The following CACNG4 variants were observed in gnomAD, a reference collection of about 807,000 sequenced individuals.
CACNG4 encodes calcium voltage-gated channel auxiliary subunit gamma 4.
A neutral mutation model predicts 22.9 loss-of-function variants in CACNG4; 8 were observed. The observed-to-expected ratio is 0.35, with a 90% CI of 0.21 to 0.63. CACNG4 has a LOEUF of 0.63. Ranked by LOEUF, CACNG4 falls within the 30% of genes least tolerant of loss-of-function variation. CACNG4 has a pLI of 0.72. For missense variants in CACNG4, 357 were observed against 455.4 expected, an observed-to-expected ratio of 0.78 and a Z score of 1.97; for synonymous variants, 188 against 191.9, an observed-to-expected ratio of 0.98 and a Z score of 0.17.
intron 1 of CACNG4, among the ~76,000 whole-genome samples, chr17:67,011,620 T>C (rs2035468601): frequency 2.0e-5 from 3 of 149,038 alleles, no homozygotes; most frequent in Admixed American, 2.0e-4. Context: ...TAAAATGCTC[T>C]TGAGGAATGA....
intron 1 of CACNG4, among the ~76,000 whole-genome samples, chr17:66,995,174 C>T (rs546257863): frequency 2.0e-5 from 3 of 152,238 alleles, no homozygotes; most frequent in East Asian, 1.9e-4. Context: ...GTCGTGGCAC[C>T]GTGATAAACT....
rs906133408 is a variant in CACNG4, at chr17:66,978,743, G to A, written c.220+13612G>A. On this transcript the variant is annotated intron_variant, in intron 1 of 3. Transcript: ENST00000262138. The stretch of plus-strand genomic sequence containing the variant: ...GTCCCTGCCTCGCATCTGAGCCTTC[G>A]CCCGAGACATTTTCTCGCTTCAGCA... Among the ~76,000 whole-genome samples the A allele has an allele frequency of 2.6e-5, 4 of 152,292 alleles. No individual in the cohort carries two copies. In the South Asian group the frequency reaches 6.2e-4, roughly 24 times the overall value.
chr17:67,005,685 G>A (rs57113801), intron 1 of CACNG4, among the ~76,000 whole-genome samples: 3,647 of 152,286 alleles, frequency 0.024, 141 homozygotes, highest in African/African-American at 0.082. Flanking sequence ...CCCTTCTGCT[G>A]ATCACAAAGG....
intron 2 of CACNG4, 111 bp from the exon 3 acceptor site, chr17:67,024,749 C>A: frequency 1.6e-6 from 2 of 1,216,666 alleles, no homozygotes; most frequent in Non-Finnish European, 2.2e-6. Context: ...AATCTCAAAT[C>A]CTGGGGAAGG....
chr17:66,982,130 C>G (rs912387513), intron 1 of CACNG4, among the ~76,000 whole-genome samples: 3 of 152,178 alleles, frequency 2.0e-5, no homozygotes, highest in Non-Finnish European at 4.4e-5. Flanking sequence ...TGAGCAGCAG[C>G]TAGATTTACT....
intron 1 of CACNG4, among the ~76,000 whole-genome samples, chr17:67,009,797 A>G (rs2035458713): frequency 6.6e-6 from 1 of 152,182 alleles, no homozygotes; most frequent in Non-Finnish European, 1.5e-5. Context: ...CTCTTTTAAA[A>G]GGACTCTAAT....
chr17:66,990,022 G>A (rs989832255), intron 1 of CACNG4, among the ~76,000 whole-genome samples: 1 of 152,182 alleles, frequency 6.6e-6, no homozygotes, highest in African/African-American at 2.4e-5. Flanking sequence ...AAACTTAGTG[G>A]CTGAAAACAA....
In CACNG4 at chr17:67,030,870, C is replaced by G; in HGVS notation, c.850C>G (p.Leu284Val). 1 of 1,612,998 alleles carries G rather than the reference C, an allele frequency of 6.2e-7. No individual in the cohort carries two copies. Among genetic ancestry groups the G allele is most frequent in the Non-Finnish European group, 8.5e-7 (1 of 1,180,016 alleles). The change falls in exon 4 of 4, where the codon CTC (leucine) becomes GTC (valine). Residue 284 changes from leucine (L) to valine (V), a missense_variant. Physicochemically the swap from Leu to Val is conservative, Grantham distance 32 (BLOSUM62 1). This residue lies in a region of CACNG4 where 240 missense variants were observed against 277.6 expected (regional missense o/e 0.86). Transcript: ENST00000262138. This position sits in a 1 kb window ranked among gnomAD's most constrained non-coding sequence, Gnocchi z 6.4. ...LSMYTLSREP[L>V]KVTTAASYSP... The stretch of plus-strand genomic sequence containing the variant: ...CATGTACACGCTGTCCAGGGAGCCC[C>G]TCAAGGTGACCACCGCAGCCAGCTA...
At chr17:67,005,222 C>A (rs2035430734) in intron 1 of CACNG4, among the ~76,000 whole-genome samples, 1 of 152,174 alleles carries the variant, frequency 6.6e-6, no homozygotes, top group Non-Finnish European at 1.5e-5. Context: ...ATATACACTT[C>A]CAAGAGAACC....
At chr17:67,009,059 T>C in intron 1 of CACNG4, among the ~76,000 whole-genome samples, 1 of 151,880 alleles carries the variant, frequency 6.6e-6, no homozygotes, top group East Asian at 1.9e-4. Context: ...GAATATGATA[T>C]GAAGAGAAGG....
At chr17:67,018,500 C>G (rs745811321) in intron 2 of CACNG4, among the ~76,000 whole-genome samples, 7 of 152,134 alleles carry the variant, frequency 4.6e-5, no homozygotes, top group South Asian at 2.1e-4. Flanking sequence ...AGGCCTGTAC[C>G]CTGGGGAGAT....
chr17:67,014,571 T>C (rs9903679), intron 1 of CACNG4, among the ~76,000 whole-genome samples: 8,986 of 152,084 alleles, frequency 0.059, 758 homozygotes, highest in African/African-American at 0.19. Flanking sequence ...GGTGGAGCTG[T>C]GCCTCCAGGC....
chr17:66,992,122 G>A (rs2035343901), intron 1 of CACNG4, among the ~76,000 whole-genome samples: 1 of 150,524 alleles, frequency 6.6e-6, no homozygotes, highest in Non-Finnish European at 1.5e-5. Flanking sequence ...AATGTGTTAT[G>A]TCATGTCACG....
chr17:67,020,832 A>C (rs2035527311), intron 2 of CACNG4, among the ~76,000 whole-genome samples: 2 of 152,238 alleles, frequency 1.3e-5, no homozygotes, highest in Admixed American at 1.3e-4. Flanking sequence ...AATATGTAGA[A>C]GCACAGGAGG....
rs1467138440 is a variant in CACNG4 at position 67,030,397 on chromosome 17, C to G, written c.446-69C>G. The G allele has an allele frequency of 1.5e-6, 2 of 1,373,500 alleles. No homozygotes were observed. Among genetic ancestry groups the G allele is most frequent in the Admixed American group, 3.7e-5 (2 of 54,388 alleles). The allele number at this position is 1,373,500 out of a possible 1,614,324, so 85.1% of individuals were successfully genotyped here. A position where few individuals can be genotyped will look rare whatever the true frequency, so the allele number is the denominator to read the frequency against. ...CCACCTGTTCCCTACACTGCCCGTCCCACTGTGGGTCTAACCTCTGCCTCT... is the reference window on the plus strand; with the variant it reads ...CCACCTGTTCCCTACACTGCCCGTCGCACTGTGGGTCTAACCTCTGCCTCT... On this transcript the variant is annotated intron_variant, in intron 3 of 3. Transcript: ENST00000262138. The surrounding 1 kb of genome is among the most constrained non-coding windows in gnomAD (Gnocchi z 6.4).
chr17:67,024,359 T>G (rs935108936), intron 2 of CACNG4, among the ~76,000 whole-genome samples: 2 of 152,204 alleles, frequency 1.3e-5, no homozygotes, highest in African/African-American at 2.4e-5. Flanking sequence ...GAAAGTGACT[T>G]GGCCAAGGCT....
chr17:66,966,060 G>A (rs564504689), intron 1 of CACNG4, among the ~76,000 whole-genome samples: 41 of 152,324 alleles, frequency 2.7e-4, no homozygotes, highest in African/African-American at 9.4e-4. Context: ...TGAGTAGTAG[G>A]TGTCATGAGG....
intron 1 of CACNG4, among the ~76,000 whole-genome samples, chr17:66,995,820 G>C (rs200398936): frequency 6.6e-6 from 1 of 151,818 alleles, no homozygotes; most frequent in Non-Finnish European, 1.5e-5. Flanking sequence ...ACTGCACTCC[G>C]GCCTGGGTGA....
At chr17:66,971,731 C>A (rs975363802) in intron 1 of CACNG4, among the ~76,000 whole-genome samples, 1 of 151,926 alleles carries the variant, frequency 6.6e-6, no homozygotes, top group Admixed American at 6.6e-5. Context: ...GAGGAAAGGG[C>A]GAGCCGAGGC....
Sources: gnomAD v4.1 joint callset for allele counts (sites outside exome capture counted in the v4.1 genomes callset) on GRCh38, gnomAD v4.1.1 for gene constraint, gnomAD v4.1.1 regional missense constraint, Gnocchi (gnomAD v3.1) non-coding constraint, MANE v1.5 for transcripts, NCBI Gene and HGNC (gene_info 2026-07-23, HGNC 2026-07-21) for gene names.